Variants in NFATC1 observed in about 807,000 individuals in gnomAD.
The protein encoded by NFATC1 is nuclear factor of activated T-cells, cytoplasmic 1.
A neutral mutation model predicts 76.0 loss-of-function variants in NFATC1; 22 were observed. That is an observed-to-expected ratio of 0.29 (90% CI 0.21 to 0.41). The LOEUF (loss-of-function observed/expected upper bound fraction) is 0.41. NFATC1 is among the 10% of genes least tolerant of loss of function. NFATC1 has a pLI of 1.00. For missense variants in NFATC1, 1,357 were observed against 1,337.7 expected, an observed-to-expected ratio of 1.01 and a Z score of -0.23; for synonymous variants, 704 against 613.1, an observed-to-expected ratio of 1.15 and a Z score of -2.19.
chr18:79,465,132 G>T lies in NFATC1; in HGVS notation c.1960-2318G>T, dbSNP rs2088406617. Among the ~76,000 whole-genome samples the T allele has an allele frequency of 6.6e-6, 1 of 152,158 alleles. No homozygotes were observed. The highest frequency in any genetic ancestry group is 6.5e-5 in the Admixed American group (1 of 15,270). ...GTTGCGTAGGTGCTGGTGCCATTTG[G>T]AACCCGTATTTTTTCCGGTACAGAC... On this transcript the variant is annotated intron_variant, in intron 7 of 9. Transcript: ENST00000427363. This position sits in a 1 kb window ranked among gnomAD's most constrained non-coding sequence, Gnocchi z 4.2.
intron 2 of NFATC1, among the ~76,000 whole-genome samples, chr18:79,427,757 T>A (rs186656904): frequency 0.023 from 276 of 11,818 alleles, 3 homozygotes; most frequent in African/African-American, 0.095. Flanking sequence ...GGTGGGGGGG[T>A]GCTGGACGGC....
chr18:79,401,370 C>T (rs564340822), intron 1 of NFATC1, among the ~76,000 whole-genome samples: 2 of 152,272 alleles, frequency 1.3e-5, no homozygotes, highest in African/African-American at 4.8e-5. Flanking sequence ...AAAACTCCAA[C>T]GTCTTGATCA....
At chr18:79,442,425 C>T (rs1488315760) in intron 3 of NFATC1, among the ~76,000 whole-genome samples, 1 of 152,250 alleles carries the variant, frequency 6.6e-6, no homozygotes, top group African/African-American at 2.4e-5. Flanking sequence ...CTGCCGCGTG[C>T]CTGTTCTGGG....
chr18:79,474,383 G>A (rs536835563), intron 8 of NFATC1, among the ~76,000 whole-genome samples: 70 of 147,718 alleles, frequency 4.7e-4, no homozygotes, highest in East Asian at 2.2e-3. Context: ...CACGCTCACC[G>A]TCGACGTAAA....
intron 4 of NFATC1, among the ~76,000 whole-genome samples, chr18:79,449,873 T>A (rs1004420093): frequency 2.3e-4 from 35 of 151,998 alleles, no homozygotes; most frequent in African/African-American, 8.2e-4. Flanking sequence ...CGTTGGGGAT[T>A]TTAATAAGTG....
chr18:79,441,570 G>A (rs2086976891), intron 3 of NFATC1, among the ~76,000 whole-genome samples: 1 of 152,166 alleles, frequency 6.6e-6, no homozygotes, highest in South Asian at 2.1e-4. Context: ...GCTGTGGGTG[G>A]GCTGTGACCT....
At chr18:79,488,298 TTGTGTGTG>T (rs3222211) in intron 9 of NFATC1, among the ~76,000 whole-genome samples, 471 of 141,094 alleles carry the variant, frequency 3.3e-3, no homozygotes, top group Non-Finnish European at 4.6e-3. Flanking sequence ...GCAGCCCTGG[TTGTGTGTG>T]TGTGTGTGTG....
At chr18:79,469,643 A>G in intron 8 of NFATC1, 1 of 982,502 alleles carries the variant, frequency 1.0e-6, no homozygotes, top group Non-Finnish European at 1.2e-6. Flanking sequence ...TGCACCCTCC[A>G]CCCCCCATCT....
intron 2 of NFATC1, among the ~76,000 whole-genome samples, chr18:79,423,836 C>T (rs1177491240): frequency 6.6e-6 from 1 of 152,192 alleles, no homozygotes; most frequent in East Asian, 1.9e-4. Context: ...TTGGGTCCCA[C>T]GTGGAGAGGA....
Position 79,486,641 on chromosome 18 carries a change from C to T in NFATC1, c.2486C>T (p.Pro829Leu), listed in dbSNP as rs1216544298. 2 of 1,603,166 alleles carry T rather than the reference C, an allele frequency of 1.2e-6. No individual in the cohort carries two copies. The highest frequency in any genetic ancestry group is 2.2e-5 in the East Asian group (1 of 44,712). ...CTGCTGCCACAGCAGGTGAGTGCGC[C>T]TCCAAGCAGTAGCTGCCCCCCTGGT... ...PALLPQQVSAPPSSSCPPGLE... is the reference protein window; with the variant it reads ...PALLPQQVSALPSSSCPPGLE... The change falls in exon 9 of 10, where the codon CCT becomes CTT. Residue 829 changes from proline to leucine, a missense_variant. Pro to Leu is a moderately conservative substitution (Grantham distance 98, BLOSUM62 -3). This residue lies in a region of NFATC1 where 424 missense variants were observed against 395.4 expected (regional missense o/e 1.07). Transcript: ENST00000427363.
At chr18:79,412,338 C>A (rs914652926) in intron 2 of NFATC1, among the ~76,000 whole-genome samples, 1 of 152,220 alleles carries the variant, frequency 6.6e-6, no homozygotes, top group Admixed American at 6.5e-5. Flanking sequence ...GGCAGTGCCC[C>A]ATGGCCCGTG....
At chr18:79,473,051 T>C (rs1248213881) in intron 8 of NFATC1, among the ~76,000 whole-genome samples, 1 of 152,244 alleles carries the variant, frequency 6.6e-6, no homozygotes, top group Admixed American at 6.5e-5. Flanking sequence ...ACCCCTACAC[T>C]GATGTTTCAG....
chr18:79,400,533 G>C (rs2148127972), intron 1 of NFATC1: 1 of 1,330,632 alleles, frequency 7.5e-7, no homozygotes, highest in South Asian at 1.9e-5. Flanking sequence ...GGGTTTGGGG[G>C]CGCCCAGGCC....
intron 9 of NFATC1, among the ~76,000 whole-genome samples, chr18:79,510,135 C>A (rs921974468): frequency 1.3e-5 from 2 of 152,208 alleles, no homozygotes; most frequent in South Asian, 2.1e-4. Context: ...CATAGCCCCC[C>A]CCAAGGAGGA....
intron 6 of NFATC1, among the ~76,000 whole-genome samples, chr18:79,454,433 G>A (rs532608142): frequency 6.6e-6 from 1 of 152,374 alleles, no homozygotes; most frequent in East Asian, 1.9e-4. Context: ...AAGGCTGGGA[G>A]AAGCTGGTGT....
intron 8 of NFATC1, among the ~76,000 whole-genome samples, chr18:79,474,728 T>C (rs2088970962): frequency 6.7e-6 from 1 of 148,780 alleles, no homozygotes; most frequent in African/African-American, 2.5e-5. Context: ...TCACGCTCAC[T>C]GTCGACATTG....
chr18:79,434,380 G>A (rs949446732), intron 3 of NFATC1, among the ~76,000 whole-genome samples: 6 of 152,234 alleles, frequency 3.9e-5, no homozygotes, highest in Admixed American at 3.9e-4. Context: ...TTAGGCTGTC[G>A]AGGGAGGGGT....
At chr18:79,459,410 T>A (rs1446034163) in intron 6 of NFATC1, among the ~76,000 whole-genome samples, 1 of 152,194 alleles carries the variant, frequency 6.6e-6, no homozygotes, top group Non-Finnish European at 1.5e-5. Flanking sequence ...CTGGAGTCCC[T>A]CTTGCTTCTC....
intron 1 of NFATC1, among the ~76,000 whole-genome samples, chr18:79,399,409 ACCCCTCCGCCCGGGCCGGCT>A (rs1185215547): frequency 2.0e-5 from 3 of 151,916 alleles, no homozygotes; most frequent in African/African-American, 4.8e-5. Flanking sequence ...TGACACGCGC[ACCCCTCCGCCCGGGCCGGCT>A]CCCCTCCGCC....
Sources: gnomAD v4.1 joint callset for allele counts (sites outside exome capture counted in the v4.1 genomes callset) on GRCh38, gnomAD v4.1.1 for gene constraint, gnomAD v4.1.1 regional missense constraint, Gnocchi (gnomAD v3.1) non-coding constraint, MANE v1.5 for transcripts, NCBI Gene and HGNC (gene_info 2026-07-23, HGNC 2026-07-21) for gene names.